The following GABRA3 variants were observed in gnomAD, a reference collection of about 807,000 sequenced individuals.
The protein encoded by GABRA3 is gamma-aminobutyric acid receptor subunit alpha-3.
A neutral mutation model predicts 30.1 loss-of-function variants in GABRA3; 10 were observed. The observed-to-expected ratio is 0.33, with a 90% CI of 0.20 to 0.56. The LOEUF is 0.56. Among genes scored for constraint, GABRA3 ranks in the 20% least tolerant of loss-of-function variants. GABRA3 has a pLI of 0.89. For synonymous variants in GABRA3, 151 were observed against 146.8 expected (o/e 1.03, Z -0.21); for missense variants, 233 against 392.0 (o/e 0.59, Z 3.42).
intron 3 of GABRA3, among the ~76,000 whole-genome samples, chrX:152,315,153 C>T (rs910496084): frequency 3.6e-5 from 4 of 110,939 alleles, no homozygotes; most frequent in Admixed American, 1.9e-4. Context: ...CTGCAGGACC[C>T]GGGAGACAGC....
intron 3 of GABRA3, among the ~76,000 whole-genome samples, chrX:152,339,378 C>A (rs1278565822): frequency 9.1e-6 from 1 of 109,786 alleles, no homozygotes; most frequent in African/African-American, 3.3e-5. Context: ...GCCACCACGC[C>A]TGGATAATTT....
chrX:152,429,735 C>G (rs921930802), intron 1 of GABRA3, among the ~76,000 whole-genome samples: 3 of 112,177 alleles, frequency 2.7e-5, no homozygotes, highest in Non-Finnish European at 3.8e-5. Flanking sequence ...TTCTTCCTGT[C>G]TGTCACAATA....
intron 2 of GABRA3, among the ~76,000 whole-genome samples, chrX:152,353,858 G>T (rs779446200): frequency 9.0e-6 from 1 of 111,251 alleles, no homozygotes; most frequent in East Asian, 2.9e-4. Flanking sequence ...TAACGCAACA[G>T]GAAGCCACAA....
rs190888953 is a variant in GABRA3 at position 152,302,515 on chromosome X, C to A, written c.263-17780G>T. On this transcript the variant is annotated intron_variant, in intron 3 of 9. Transcript: ENST00000370314. ...GATATTTTGGGGATGGGACCCAAAT[C>A]TAAACACAAAATTCAGTTATGTTTT... Among the ~76,000 whole-genome samples the A allele has an allele frequency of 4.7e-3, 518 of 111,154 alleles. 2 individuals carry two copies. Among genetic ancestry groups the A allele is most frequent in the Non-Finnish European group, 6.3e-3 (335 of 53,037 alleles).
chrX:152,321,136 A>T (rs1939957635), intron 3 of GABRA3, among the ~76,000 whole-genome samples: 4 of 111,501 alleles, frequency 3.6e-5, no homozygotes, highest in African/African-American at 1.3e-4. Context: ...GTGGAGAATA[A>T]GAAGGAAAAG....
At chrX:152,335,089 C>T (rs1267479139) in intron 3 of GABRA3, among the ~76,000 whole-genome samples, 2 of 111,506 alleles carry the variant, frequency 1.8e-5, no homozygotes, top group Non-Finnish European at 3.8e-5. Context: ...CACGGAGACT[C>T]TAACTTGGGA....
Position 152,376,883 on chromosome X carries a change from A to G in GABRA3, c.-26-12287T>C, listed in dbSNP as rs886253549. On this transcript the variant is annotated intron_variant, in intron 1 of 9. Coordinates refer to ENST00000370314, the MANE Select transcript of GABRA3 (RefSeq NM_000808.4). The stretch of plus-strand genomic sequence containing the variant: ...CTCCTTGCCTCAGAGTTAACACAAC[A>G]GAAAATATATCACCTCTGAAATTCT... Among the ~76,000 whole-genome samples the G allele has an allele frequency of 4.5e-5, 5 of 111,785 alleles. No individual in the cohort carries two copies. In the Admixed American group the frequency reaches 4.8e-4, roughly 11 times the overall value.
intron 1 of GABRA3, among the ~76,000 whole-genome samples, chrX:152,368,144 C>A (rs771056921): frequency 9.0e-6 from 1 of 111,629 alleles, no homozygotes; most frequent in Non-Finnish European, 1.9e-5. Context: ...CCATTTCTTC[C>A]CATTTCAAAA....
At chrX:152,287,403 T>A (rs772787426) in intron 3 of GABRA3, among the ~76,000 whole-genome samples, 2 of 110,700 alleles carry the variant, frequency 1.8e-5, no homozygotes, top group African/African-American at 6.6e-5. Context: ...GTTTTCCCCA[T>A]GCTGTTCTCA....
intron 5 of GABRA3, among the ~76,000 whole-genome samples, chrX:152,239,813 C>G (rs1227361717): frequency 9.5e-6 from 1 of 105,270 alleles, no homozygotes; most frequent in Non-Finnish European, 1.9e-5. Context: ...ACGAGGATTG[C>G]AACCCCTGCC....
intron 1 of GABRA3, among the ~76,000 whole-genome samples, chrX:152,424,928 C>CTTTTTTT (rs747255822): frequency 4.7e-5 from 2 of 42,356 alleles, no homozygotes; most frequent in Non-Finnish European, 7.7e-5. Flanking sequence ...TTTTTCTTTT[C>CTTTTTTT]TTTTTTTTTT....
At chrX:152,390,341 G>C (rs1031741034) in intron 1 of GABRA3, among the ~76,000 whole-genome samples, 2 of 112,361 alleles carry the variant, frequency 1.8e-5, no homozygotes, top group African/African-American at 6.4e-5. Flanking sequence ...AAATAAATTT[G>C]ATATATAAAC....
At chrX:152,229,436 C>T (rs1412484531) in intron 5 of GABRA3, among the ~76,000 whole-genome samples, 1 of 110,821 alleles carries the variant, frequency 9.0e-6, no homozygotes, top group Non-Finnish European at 1.9e-5. Flanking sequence ...TTTTACCATG[C>T]TTTGGAAGGG....
intron 4 of GABRA3, among the ~76,000 whole-genome samples, chrX:152,276,701 G>A (rs984519335): frequency 9.0e-6 from 1 of 111,555 alleles, no homozygotes; most frequent in Admixed American, 9.6e-5. Flanking sequence ...AAATGAATTA[G>A]AGTAAAATAC....
intron 5 of GABRA3, among the ~76,000 whole-genome samples, chrX:152,228,514 G>A (rs1023284314): frequency 2.7e-5 from 3 of 111,270 alleles, no homozygotes; most frequent in African/African-American, 9.8e-5. Flanking sequence ...ATTTCCCCTT[G>A]GCATTACTCA....
rs188001433 is a variant in GABRA3, at chrX:152,225,341, T to C, written c.552-496A>G. On this transcript the variant is annotated intron_variant, in intron 5 of 9. Transcript: ENST00000370314. ...ACATAATTCTGCTGCTCACAGGAAC[T>C]GCTATAGCTTTGTTGAAAGAGATGG... Among the ~76,000 whole-genome samples the C allele has an allele frequency of 1.4e-4, 15 of 109,522 alleles. No homozygotes were observed. In the East Asian group the frequency reaches 4.1e-3, roughly 30 times the overall value.
At chrX:152,330,840 A>C (rs1380161532) in intron 3 of GABRA3, among the ~76,000 whole-genome samples, 1 of 111,634 alleles carries the variant, frequency 9.0e-6, no homozygotes, top group East Asian at 2.8e-4. Context: ...CTAGAACTTA[A>C]AAGTATAATA....
At chrX:152,174,509 T>C (rs1200488443) in intron 9 of GABRA3, among the ~76,000 whole-genome samples, 1 of 112,457 alleles carries the variant, frequency 8.9e-6, no homozygotes, top group African/African-American at 3.2e-5. Flanking sequence ...GGTATCTCAT[T>C]GTGGTTTTGG....
At chrX:152,295,491 G>T (rs1303704850) in intron 3 of GABRA3, among the ~76,000 whole-genome samples, 1 of 113,162 alleles carries the variant, frequency 8.8e-6, no homozygotes, top group Admixed American at 9.3e-5. Context: ...GTGGGCATGG[G>T]ATCTGCTGAG....
Sources: gnomAD v4.1 joint callset for allele counts (sites outside exome capture counted in the v4.1 genomes callset) on GRCh38, gnomAD v4.1.1 for gene constraint, MANE v1.5 for transcripts, NCBI Gene and HGNC (gene_info 2026-07-23, HGNC 2026-07-21) for gene names.